CADPS2: variants seen among roughly 807,000 people sequenced by gnomAD.
CADPS2 encodes the protein calcium dependent secretion activator 2.
CADPS2 carries 93 observed loss-of-function variants against 172.5 expected under a neutral mutation model. That is an observed-to-expected ratio of 0.54 (90% CI 0.46 to 0.64). The LOEUF (loss-of-function observed/expected upper bound fraction) is 0.64, where lower values mean the gene tolerates loss of function less well. Among genes scored for constraint, CADPS2 ranks in the 30% least tolerant of loss-of-function variants. The pLI is 0.00. For synonymous variants in CADPS2, 546 were observed against 555.2 expected (o/e 0.98, Z 0.23); for missense variants, 1,420 against 1,565.9 (o/e 0.91, Z 1.57).
At chr7:122,726,680 A>G (rs1340159105) in intron 2 of CADPS2, among the ~76,000 whole-genome samples, 2 of 151,532 alleles carry the variant, frequency 1.3e-5, no homozygotes, top group African/African-American at 4.8e-5. Context: ...AGGGTCATAG[A>G]GTCAGGGAAA....
intron 19 of CADPS2, among the ~76,000 whole-genome samples, chr7:122,412,627 T>C (rs1005492236): frequency 6.6e-6 from 1 of 152,204 alleles, no homozygotes; most frequent in Non-Finnish European, 1.5e-5. Context: ...ACAACCTTCT[T>C]GCCCACGGTG....
intron 14 of CADPS2, among the ~76,000 whole-genome samples, chr7:122,458,551 T>C (rs1338759367): frequency 6.6e-6 from 1 of 152,178 alleles, no homozygotes; most frequent in Non-Finnish European, 1.5e-5. Flanking sequence ...AATTCTGAAA[T>C]ATGTTCTTAT....
At position 122,701,997 on chromosome 7, in the gene CADPS2, C is replaced by T. The variant is rs1292722270; in HGVS notation, c.453+34958G>A. 17 of 1,613,596 alleles carry T rather than the reference C, an allele frequency of 1.1e-5. No individual in the cohort carries two copies. In the South Asian group the frequency reaches 1.8e-4, roughly 17 times the overall value. Reference sequence around the variant, plus strand: ...ACAACACAGTTGTCTTCATTTAGGTCTAATTCCTCATCCCCTTCTTTGAGA... The same window carrying T: ...ACAACACAGTTGTCTTCATTTAGGTTTAATTCCTCATCCCCTTCTTTGAGA... On this transcript the variant is annotated intron_variant, in intron 2 of 29. Transcript: ENST00000449022.
chr7:122,463,261 C>T (rs558229591), intron 14 of CADPS2, among the ~76,000 whole-genome samples: 32 of 151,924 alleles, frequency 2.1e-4, no homozygotes, highest in Admixed American at 6.5e-4. Flanking sequence ...ATTCTCTGAA[C>T]ACAAAGGAAT....
intron 17 of CADPS2, chr7:122,426,342 A>C (rs1373521545): frequency 6.6e-6 from 1 of 152,228 alleles, no homozygotes; most frequent in African/African-American, 2.4e-5. Context: ...GCCACTTTGA[A>C]TATTTCTACA....
At chr7:122,491,179 C>G in intron 10 of CADPS2, 133 bp downstream of exon 10, 1 of 472,260 alleles carries the variant, frequency 2.1e-6, no homozygotes, top group South Asian at 5.3e-5. Context: ...CTCATAAAGT[C>G]TTGCCCAGGT....
chr7:122,712,134 T>C (rs1346990456), intron 2 of CADPS2, among the ~76,000 whole-genome samples: 3 of 152,282 alleles, frequency 2.0e-5, no homozygotes, highest in South Asian at 2.1e-4. Context: ...ATTTTTCTTC[T>C]AGTGTTGAAA....
intron 3 of CADPS2, among the ~76,000 whole-genome samples, chr7:122,662,693 A>G (rs907304943): frequency 6.6e-6 from 1 of 152,046 alleles, no homozygotes; most frequent in African/African-American, 2.4e-5. Flanking sequence ...TTTTGTATGT[A>G]TAACTAGAAT....
intron 2 of CADPS2, among the ~76,000 whole-genome samples, chr7:122,672,987 G>C (rs1294609282): frequency 3.3e-5 from 5 of 152,166 alleles, no homozygotes; most frequent in African/African-American, 1.2e-4. Context: ...TGGTGGGTTC[G>C]TGGTCTCACT....
rs758741137 is a variant in CADPS2, at chr7:122,698,160, C to A, written c.454-34591G>T. The A allele has an allele frequency of 6.8e-6, 11 of 1,613,758 alleles. No homozygotes were observed. The East Asian group carries it at 2.0e-4, about 29-fold the overall frequency. Reference sequence around the variant, plus strand: ...GTTCAAAGCAAATTACGCAGCTATCCCCATTTGGATTTATTTCTTCATCCC... The same window carrying A: ...GTTCAAAGCAAATTACGCAGCTATCACCATTTGGATTTATTTCTTCATCCC... On this transcript the variant is annotated intron_variant, in intron 2 of 29. Coordinates refer to ENST00000449022, the MANE Select transcript of CADPS2 (RefSeq NM_017954.11).
chr7:122,822,933 T>C (rs576586840), intron 1 of CADPS2, among the ~76,000 whole-genome samples: 3 of 152,176 alleles, frequency 2.0e-5, no homozygotes, highest in East Asian at 3.9e-4. Flanking sequence ...TGCACCCAGG[T>C]GAAATAAACA....
At chr7:122,829,306 G>A (rs1321119153) in intron 1 of CADPS2, among the ~76,000 whole-genome samples, 1 of 152,110 alleles carries the variant, frequency 6.6e-6, no homozygotes, top group Admixed American at 6.6e-5. Flanking sequence ...ATTCAAACAT[G>A]CCATATTTTT....
chr7:122,399,543 C>G (rs1176576395), intron 20 of CADPS2, among the ~76,000 whole-genome samples: 1 of 151,712 alleles, frequency 6.6e-6, no homozygotes, highest in Non-Finnish European at 1.5e-5. Context: ...TGTAATTTTA[C>G]TCAAGCTATG....
intron 27 of CADPS2, chr7:122,354,379 G>A (rs2039085850): frequency 6.6e-6 from 1 of 152,138 alleles, no homozygotes; most frequent in East Asian, 1.9e-4. Flanking sequence ...AAGTGATGGA[G>A]CAAGGATTCA....
chr7:122,835,532 T>A (rs1808102657), intron 1 of CADPS2, among the ~76,000 whole-genome samples: 1 of 152,058 alleles, frequency 6.6e-6, no homozygotes, highest in Non-Finnish European at 1.5e-5. Flanking sequence ...GCTAAAAACC[T>A]TGAAAAAAGA....
chr7:122,780,200 C>CT (rs1455963287), intron 1 of CADPS2, among the ~76,000 whole-genome samples: 2 of 151,890 alleles, frequency 1.3e-5, no homozygotes, highest in Non-Finnish European at 2.9e-5. Context: ...AATCATGATT[C>CT]TTTACCATGT....
intron 1 of CADPS2, among the ~76,000 whole-genome samples, chr7:122,796,083 C>A (rs1311963318): frequency 6.6e-6 from 1 of 152,014 alleles, no homozygotes; most frequent in Non-Finnish European, 1.5e-5. Context: ...AAGCCGAGAG[C>A]CAAATCAAGA....
intron 6 of CADPS2, among the ~76,000 whole-genome samples, chr7:122,581,887 T>C (rs1028601911): frequency 1.3e-5 from 2 of 152,144 alleles, no homozygotes; most frequent in African/African-American, 2.4e-5. Flanking sequence ...GGAATAAGTC[T>C]GTAGACATCT....
chr7:122,711,827 A>G (rs752464688), intron 2 of CADPS2, among the ~76,000 whole-genome samples: 1 of 151,762 alleles, frequency 6.6e-6, no homozygotes, highest in Non-Finnish European at 1.5e-5. Context: ...TAATTTTTGT[A>G]TTTTTAGTAG....
Sources: gnomAD v4.1 joint callset for allele counts (sites outside exome capture counted in the v4.1 genomes callset) on GRCh38, gnomAD v4.1.1 for gene constraint, MANE v1.5 for transcripts, NCBI Gene and HGNC (gene_info 2026-07-23, HGNC 2026-07-21) for gene names.